Variants in CDK13 observed in about 807,000 individuals in gnomAD.
The protein encoded by CDK13 is cyclin dependent kinase 13.
Under a neutral mutation model 137.6 loss-of-function variants are expected in CDK13, and 40 were observed. The observed-to-expected ratio is 0.29, with a 90% CI of 0.23 to 0.38. CDK13 has a LOEUF of 0.38. CDK13 is among the 10% of genes least tolerant of loss of function. The probability of loss-of-function intolerance (pLI) is 1.00; values close to 1 mark genes in which losing one functional copy is unlikely to be tolerated. For missense variants in CDK13, 1,704 were observed against 1,951.8 expected, an observed-to-expected ratio of 0.87 and a Z score of 2.39; for synonymous variants, 869 against 760.1, an observed-to-expected ratio of 1.14 and a Z score of -2.36.
At chr7:39,973,327 G>A (rs527647185) in intron 1 of CDK13, among the ~76,000 whole-genome samples, 1 of 152,188 alleles carries the variant, frequency 6.6e-6, no homozygotes, top group East Asian at 1.9e-4. Flanking sequence ...TTGTATAGAT[G>A]AGGTTTTGCC....
At chr7:40,007,517 C>G (rs1562725313) in intron 5 of CDK13, among the ~76,000 whole-genome samples, 1 of 152,220 alleles carries the variant, frequency 6.6e-6, no homozygotes, top group Non-Finnish European at 1.5e-5. Flanking sequence ...ACCTCTGCCT[C>G]CCGGGTTCAA....
At chr7:39,976,288 GTCTCTCTCTCTC>G (rs1174858221) in intron 1 of CDK13, among the ~76,000 whole-genome samples, 1 of 29,872 alleles carries the variant, frequency 3.3e-5, no homozygotes, top group African/African-American at 7.8e-5. Flanking sequence ...GCGAGATTCC[GTCTCTCTCTCTC>G]TCTCTCTCTC....
intron 5 of CDK13, among the ~76,000 whole-genome samples, chr7:40,006,878 A>T (rs951228245): frequency 6.6e-6 from 1 of 152,180 alleles, no homozygotes; most frequent in South Asian, 2.1e-4. Flanking sequence ...TATTCAGATT[A>T]AAAAAATTCC....
Position 39,979,025 on chromosome 7 carries a change from G to A in CDK13, c.1212-8574G>A, listed in dbSNP as rs574640173. 5.3e-5 allele frequency among the ~76,000 whole-genome samples: 8 copies of A among 152,232 alleles called. No homozygotes were observed. In the East Asian group the frequency reaches 1.5e-3, roughly 29 times the overall value. On this transcript the variant is annotated intron_variant, in intron 1 of 13. Transcript: ENST00000181839. The stretch of plus-strand genomic sequence containing the variant: ...ATGAGAAGACTAGGAATGGGATTGT[G>A]TGAGCTTGATGAAAGTTGTGAAAGT...
chr7:39,950,393 A>T lies in CDK13; in HGVS notation c.-249A>T. ...TGTTTTCGCTGCCGAGGATAGGACG[A>T]CGAGCGCAATCGGGAGCTCCGCCGC... On this transcript the variant is annotated 5_prime_UTR_variant, in exon 1 of 14. Transcript: ENST00000181839. The T allele has an allele frequency of 8.2e-7, 1 of 1,226,846 alleles. No homozygotes were observed. Among genetic ancestry groups the T allele is most frequent in the Non-Finnish European group, 1.0e-6 (1 of 984,844 alleles). 76.0% of individuals were successfully genotyped at this position (1,226,846 alleles called of 1,614,324 possible). A position where few individuals can be genotyped will look rare whatever the true frequency, so the allele number is the denominator to read the frequency against.
chr7:39,955,943 ATAAT>A lies in CDK13; in HGVS notation c.1211+4092_1211+4095del, dbSNP rs1787393136. On this transcript the variant is annotated intron_variant, in intron 1 of 13. Transcript: ENST00000181839. Reference sequence around the variant, plus strand: ...GAAGCACAGAAGCATTCATTATGGAATAATAAGAACCTAAGAATCTGAAAAAGAT... The same window carrying A: ...GAAGCACAGAAGCATTCATTATGGAAAAGAACCTAAGAATCTGAAAAAGAT... Among the ~76,000 whole-genome samples the A allele has an allele frequency of 2.0e-5, 3 of 152,178 alleles. No homozygotes were observed. The South Asian group carries it at 6.2e-4, about 32-fold the overall frequency.
At chr7:40,057,776 G>GA (rs1006305472) in intron 7 of CDK13, among the ~76,000 whole-genome samples, 5 of 152,250 alleles carry the variant, frequency 3.3e-5, no homozygotes, top group Non-Finnish European at 5.9e-5. Flanking sequence ...CATCAGTTGG[G>GA]AAAAAATTGG....
chr7:40,070,899 C>T (rs1786407269), intron 9 of CDK13: 1 of 152,124 alleles, frequency 6.6e-6, no homozygotes, highest in Admixed American at 6.6e-5. Context: ...CTTTATATCA[C>T]ACAATGTACA....
chr7:40,079,445 T>C (rs1385595059), intron 11 of CDK13, among the ~76,000 whole-genome samples: 1 of 152,086 alleles, frequency 6.6e-6, no homozygotes, highest in Non-Finnish European at 1.5e-5. Context: ...TTACTGCTGT[T>C]GCTATTCTAA....
intron 9 of CDK13, chr7:40,069,391 G>A (rs1165252266): frequency 1.1e-5 from 5 of 441,018 alleles, no homozygotes; most frequent in East Asian, 1.4e-4. Context: ...GTGGCCTTTA[G>A]AATCTTACAG....
Position 40,097,342 on chromosome 7 carries a change from A to G in CDK13, c.*2362A>G, listed in dbSNP as rs1012799136. The G allele has an allele frequency of 9.2e-5, 14 of 152,076 alleles. No individual in the cohort carries two copies. Among genetic ancestry groups the G allele is most frequent in the South Asian group, 2.1e-4 (1 of 4,834 alleles). 9.4% of individuals were successfully genotyped at this position (152,076 alleles called of 1,614,324 possible). A position where few individuals can be genotyped will look rare whatever the true frequency, so the allele number is the denominator to read the frequency against. On this transcript the variant is annotated 3_prime_UTR_variant, in exon 14 of 14. Transcript: ENST00000181839. Reference sequence around the variant, plus strand: ...ATGTTGCCAATTAAGCCACAATACAATGCTAAGACGTCATCAATTGTAAGC... The same window carrying G: ...ATGTTGCCAATTAAGCCACAATACAGTGCTAAGACGTCATCAATTGTAAGC...
At chr7:40,049,958 T>A (rs180952914) in intron 7 of CDK13, among the ~76,000 whole-genome samples, 5 of 152,306 alleles carry the variant, frequency 3.3e-5, no homozygotes, top group Admixed American at 3.3e-4. Context: ...TGTGCGTATA[T>A]GCCACATTTT....
chr7:39,965,394 T>C (rs190621335), intron 1 of CDK13, among the ~76,000 whole-genome samples: 1 of 152,346 alleles, frequency 6.6e-6, no homozygotes, highest in African/African-American at 2.4e-5. Flanking sequence ...TTTCTTTTGA[T>C]CTTTGTTGGC....
chr7:39,992,165 T>G (rs11762696), intron 2 of CDK13, among the ~76,000 whole-genome samples: 2,464 of 10,780 alleles, frequency 0.23, 33 homozygotes, highest in East Asian at 0.44. Flanking sequence ...CTAATGAGGG[T>G]GTGTGTGTGT....
chr7:40,077,737 T>G (rs911573286), intron 9 of CDK13, among the ~76,000 whole-genome samples: 1 of 151,934 alleles, frequency 6.6e-6, no homozygotes, highest in Non-Finnish European at 1.5e-5. Flanking sequence ...ATGCCTATAA[T>G]CCCAGCTACT....
intron 11 of CDK13, among the ~76,000 whole-genome samples, chr7:40,086,808 TC>T (rs1470376603): frequency 1.4e-5 from 2 of 141,326 alleles, no homozygotes; most frequent in Admixed American, 7.3e-5. Context: ...CTAGCCTTAC[TC>T]TTTTTTTTTT....
In CDK13 at chr7:39,995,237, C is replaced by T. The variant is rs988388195; in HGVS notation, c.1872-2257C>T. Among the ~76,000 whole-genome samples the T allele has an allele frequency of 3.9e-5, 6 of 152,032 alleles. No individual in the cohort carries two copies. The South Asian group carries it at 1.0e-3, about 26-fold the overall frequency. On this transcript the variant is annotated intron_variant, in intron 2 of 13. Coordinates refer to ENST00000181839, the MANE Select transcript of CDK13 (RefSeq NM_003718.5). Reference sequence around the variant, plus strand: ...TCTTGGAAAGTAATATTCGATAATACACTGGACATTTAATATAGATAGTCT... The same window carrying T: ...TCTTGGAAAGTAATATTCGATAATATACTGGACATTTAATATAGATAGTCT...
At chr7:40,031,828 GTTATTA>G (rs34654098) in intron 5 of CDK13, among the ~76,000 whole-genome samples, 7,047 of 139,004 alleles carry the variant, frequency 0.051, 205 homozygotes, top group African/African-American at 0.082. Context: ...TATTATTATT[GTTATTA>G]TTATTATTAT....
Position 40,093,210 on chromosome 7 carries a change from C to G in CDK13, c.3661C>G (p.Pro1221Ala). 1 of 1,613,318 alleles carries G rather than the reference C, an allele frequency of 6.2e-7. No homozygotes were observed. The highest frequency in any genetic ancestry group is 8.5e-7 in the Non-Finnish European group (1 of 1,179,706). ...GHEASLQLRPPPEPSTPVSGQ... is the reference protein window; with the variant it reads ...GHEASLQLRPAPEPSTPVSGQ... ...TGAAGCGTCATTACAACTCAGGCCA[C>G]CTCCAGAACCTAGCACTCCGGTGTC... The change falls in exon 13 of 14, where the codon CCT (proline) becomes GCT (alanine). Residue 1221 changes from proline to alanine, a missense_variant. Pro to Ala is a conservative substitution (Grantham distance 27). Around this residue, in one of 5 missense-constraint regions of CDK13, gnomAD observed 475 missense variants for 579.3 expected, o/e 0.82. Coordinates refer to ENST00000181839, the MANE Select transcript of CDK13 (RefSeq NM_003718.5).
Sources: gnomAD v4.1 joint callset for allele counts (sites outside exome capture counted in the v4.1 genomes callset) on GRCh38, gnomAD v4.1.1 for gene constraint, gnomAD v4.1.1 regional missense constraint, MANE v1.5 for transcripts, NCBI Gene and HGNC (gene_info 2026-07-23, HGNC 2026-07-21) for gene names.